ATP2B2: variants seen among roughly 807,000 people sequenced by gnomAD.
ATP2B2 encodes the protein plasma membrane calcium-transporting ATPase 2.
Under a neutral mutation model 120.0 loss-of-function variants are expected in ATP2B2, and 15 were observed. The ratio of observed to expected loss-of-function variants is 0.12; its 90% CI spans 0.08 to 0.19. ATP2B2 has a LOEUF of 0.19. Ranked by LOEUF, ATP2B2 falls within the 10% of genes least tolerant of loss-of-function variation. The pLI, the probability that ATP2B2 is intolerant of heterozygous loss-of-function variation, is 1.00. For synonymous variants in ATP2B2, 694 were observed against 700.3 expected (o/e 0.99, Z 0.14); for missense variants, 1,045 against 1,719.8 (o/e 0.61, Z 6.94).
At chr3:10,409,265 A>C (rs1199880570) in intron 3 of ATP2B2, among the ~76,000 whole-genome samples, 2 of 152,222 alleles carry the variant, frequency 1.3e-5, no homozygotes, top group Non-Finnish European at 2.9e-5. Flanking sequence ...TTGATCCCAG[A>C]ATTCTCGTAA....
At chr3:10,367,635 G>GCT (rs1398952177) in intron 12 of ATP2B2, among the ~76,000 whole-genome samples, 1 of 152,150 alleles carries the variant, frequency 6.6e-6, no homozygotes, top group Non-Finnish European at 1.5e-5. Flanking sequence ...TCATGGCAGA[G>GCT]GTGTGGCTCT....
At chr3:10,445,304 C>T (rs534732216) in intron 2 of ATP2B2, among the ~76,000 whole-genome samples, 3 of 148,224 alleles carry the variant, frequency 2.0e-5, no homozygotes, top group Middle Eastern at 3.4e-3. Flanking sequence ...ATTGAACTCT[C>T]GCAGTGTCCC....
intron 1 of ATP2B2, among the ~76,000 whole-genome samples, chr3:10,502,707 C>A (rs1447858741): frequency 6.6e-6 from 1 of 152,258 alleles, no homozygotes; most frequent in Non-Finnish European, 1.5e-5. Flanking sequence ...GTCAGGGCCA[C>A]GCCCGCCTGG....
At position 10,327,711 on chromosome 3, in the gene ATP2B2, G is replaced by A. The variant is rs62240130; in HGVS notation, c.*1103C>T. On this transcript the variant is annotated 3_prime_UTR_variant, in exon 23 of 23. Transcript: ENST00000360273. ...TTGCAGATCCTGGCATCCTTGGGCC[G>A]GATGGCCGTTAGTGTTGCAAACCCA... 4,828 of 152,806 alleles carry A rather than the reference G, an allele frequency of 0.032. 124 individuals carry two copies. The highest frequency in any genetic ancestry group is 0.052 in the African/African-American group (2,145 of 41,576). The allele number at this position is 152,806 out of a possible 1,614,324, so 9.5% of individuals were successfully genotyped here. A position where few individuals can be genotyped will look rare whatever the true frequency, so the allele number is the denominator to read the frequency against.
chr3:10,625,808 G>A (rs951284948), intron 1 of ATP2B2, among the ~76,000 whole-genome samples: 1 of 152,198 alleles, frequency 6.6e-6, no homozygotes, highest in Non-Finnish European at 1.5e-5. Flanking sequence ...TGAGTTTAGT[G>A]CGCGTATTGT....
intron 10 of ATP2B2, 148 bp downstream of exon 10, chr3:10,378,103 TG>T: frequency 1.8e-6 from 2 of 1,099,004 alleles, no homozygotes; most frequent in Non-Finnish European, 2.5e-6. Context: ...GGACTCAGAC[TG>T]GGTGCTGTGG....
Position 10,360,962 on chromosome 3 carries a change from G to A in ATP2B2, c.1660-839C>T, listed in dbSNP as rs140506579. 4.7e-3 allele frequency among the ~76,000 whole-genome samples: 720 copies of A among 152,062 alleles called. 3 individuals carry two copies. Among genetic ancestry groups the A allele is most frequent in the Non-Finnish European group, 7.2e-3 (492 of 68,000 alleles). On this transcript the variant is annotated intron_variant, in intron 12 of 22. Transcript: ENST00000360273. Reference sequence around the variant, plus strand: ...CATGGCAACCACTAATCTGTTCCCCGTTTCCAAGCTTTCATCATTTCCAGC... The same window carrying A: ...CATGGCAACCACTAATCTGTTCCCCATTTCCAAGCTTTCATCATTTCCAGC...
At chr3:10,397,438 C>T (rs1032767659) in intron 5 of ATP2B2, among the ~76,000 whole-genome samples, 2 of 152,200 alleles carry the variant, frequency 1.3e-5, no homozygotes, top group African/African-American at 4.8e-5. Context: ...AAAACTCAAA[C>T]ACCATGACGA....
intron 2 of ATP2B2, among the ~76,000 whole-genome samples, chr3:10,444,220 C>G (rs1392032661): frequency 6.6e-6 from 1 of 152,220 alleles, no homozygotes; most frequent in Non-Finnish European, 1.5e-5. Context: ...GGGGAGCCCC[C>G]ACGCATGACC....
chr3:10,463,517 T>C (rs1267948831), intron 1 of ATP2B2, among the ~76,000 whole-genome samples: 1 of 152,172 alleles, frequency 6.6e-6, no homozygotes, highest in Non-Finnish European at 1.5e-5. Flanking sequence ...GGAAGGAGCT[T>C]CTATTGGTAT....
In ATP2B2 at chr3:10,440,579, C is replaced by T. The variant is rs116392271; in HGVS notation, c.199+8766G>A. Among the ~76,000 whole-genome samples, 307 of 152,296 alleles carry T rather than the reference C, an allele frequency of 2.0e-3. 2 individuals carry two copies. The highest frequency in any genetic ancestry group is 6.6e-3 in the African/African-American group (273 of 41,566). On this transcript the variant is annotated intron_variant, in intron 2 of 22. Transcript: ENST00000360273. ...GTTGTCATCACAGGGCCTTTGCTCA[C>T]GCCCCATTAACTGCGTGTGCTTCCC...
chr3:10,514,628 C>G (rs1215337745), intron 3 of ATP2B2, among the ~76,000 whole-genome samples: 1 of 152,190 alleles, frequency 6.6e-6, no homozygotes, highest in African/African-American at 2.4e-5. Context: ...GCAGCCAGGC[C>G]AGGGCTTGGA....
chr3:10,545,894 C>T (rs56337754), intron 2 of ATP2B2, among the ~76,000 whole-genome samples: 2,602 of 152,152 alleles, frequency 0.017, 44 homozygotes, highest in Admixed American at 0.038. Context: ...TTAATAACCT[C>T]AAATAAAAAA....
intron 2 of ATP2B2, among the ~76,000 whole-genome samples, chr3:10,435,877 A>G (rs1440947173): frequency 6.6e-6 from 1 of 152,266 alleles, no homozygotes; most frequent in African/African-American, 2.4e-5. Flanking sequence ...ATTATAAAAG[A>G]AAAAACTACA....
In ATP2B2 at chr3:10,519,309, C is replaced by T. The variant is rs1384391253; in HGVS notation, c.-320+14730G>A. On this transcript the variant is annotated intron_variant, in intron 3 of 21. Coordinates refer to the ATP2B2 transcript ENST00000646379. ...TGAATTAGCTAAGCACATCACTCAC[C>T]GTCTGCAATAAAGTGGCCGAGGCGG... Among the ~76,000 whole-genome samples, 4 of 152,174 alleles carry T rather than the reference C, an allele frequency of 2.6e-5. No homozygotes were observed. The East Asian group carries it at 7.7e-4, about 29-fold the overall frequency.
intron 1 of ATP2B2, among the ~76,000 whole-genome samples, chr3:10,473,517 A>G (rs1375892766): frequency 6.6e-6 from 1 of 152,206 alleles, no homozygotes; most frequent in African/African-American, 2.4e-5. Flanking sequence ...CTGTAATCCC[A>G]GCTACTCAGG....
chr3:10,509,548 G>C (rs548496620), upstream of ATP2B2, among the ~76,000 whole-genome samples: 1 of 152,326 alleles, frequency 6.6e-6, no homozygotes, highest in African/African-American at 2.4e-5. Flanking sequence ...GAAAGTTACA[G>C]AGCCAGTGAG....
intron 2 of ATP2B2, among the ~76,000 whole-genome samples, chr3:10,583,863 A>G (rs929197750): frequency 2.3e-4 from 35 of 152,192 alleles, no homozygotes; most frequent in African/African-American, 7.0e-4. Context: ...AGAGAGTTAC[A>G]TGGGACACTG....
At chr3:10,370,618 C>T (rs912868640) in intron 12 of ATP2B2, among the ~76,000 whole-genome samples, 1 of 152,212 alleles carries the variant, frequency 6.6e-6, no homozygotes, top group African/African-American at 2.4e-5. Context: ...GCCTCCTCCT[C>T]CTTCCCCTAC....
Sources: allele counts gnomAD v4.1 joint callset (sites outside exome capture counted in the v4.1 genomes callset), GRCh38; gene constraint gnomAD v4.1.1; transcripts MANE v1.5; gene names NCBI Gene and HGNC (gene_info 2026-07-23, HGNC 2026-07-21).